TRAF2: variants seen among roughly 807,000 people sequenced by gnomAD.
TRAF2 encodes the protein TNF receptor associated factor 2.
TRAF2 carries 6 observed loss-of-function variants against 55.6 expected under a neutral mutation model. The observed-to-expected ratio is 0.11, with a 90% CI of 0.06 to 0.21. The LOEUF (loss-of-function observed/expected upper bound fraction) is 0.21. Ranked by LOEUF, TRAF2 falls within the 10% of genes least tolerant of loss-of-function variation. The pLI, the probability that TRAF2 is intolerant of heterozygous loss-of-function variation, is 1.00. For synonymous variants in TRAF2, 329 were observed against 276.3 expected (o/e 1.19, Z -1.89); for missense variants, 561 against 684.5 (o/e 0.82, Z 2.01).
chr9:136,918,586 T>A (rs1418564160), intron 7 of TRAF2, among the ~76,000 whole-genome samples: 1 of 152,104 alleles, frequency 6.6e-6, no homozygotes, highest in East Asian at 1.9e-4. Context: ...GCGCCTGGCC[T>A]CATTTTCAAA....
At chr9:136,924,966 T>G (rs906026181) in intron 10 of TRAF2, among the ~76,000 whole-genome samples, 1 of 152,242 alleles carries the variant, frequency 6.6e-6, no homozygotes. Flanking sequence ...CTTGATCTCC[T>G]GACCTTGTGA....
At chr9:136,900,620 A>C in intron 4 of TRAF2, 100 bp downstream of exon 4, 6 of 932,212 alleles carry the variant, frequency 6.4e-6, no homozygotes, top group Non-Finnish European at 8.6e-6. Context: ...CGTTCCTCTC[A>C]CTGGGGCTGA....
intron 1 of TRAF2, among the ~76,000 whole-genome samples, chr9:136,889,168 C>T (rs923577609): frequency 4.6e-5 from 7 of 151,098 alleles, no homozygotes; most frequent in Non-Finnish European, 8.8e-5. Flanking sequence ...GGCTTTTTTA[C>T]GTTAAAACTT....
chr9:136,926,389 C>A lies in TRAF2; in HGVS notation c.*488C>A. ...TGAGCAGCTTGGTTCTCCCCTCTGG[C>A]CCCTGGAGAGAAGGGAGCATTCCTA... On this transcript the variant is annotated 3_prime_UTR_variant, in exon 11 of 11. Coordinates refer to ENST00000247668, the MANE Select transcript of TRAF2 (RefSeq NM_021138.4). 1 of 282,236 alleles carries A rather than the reference C, an allele frequency of 3.5e-6. No homozygotes were observed. The highest frequency in any genetic ancestry group is 7.0e-6 in the Non-Finnish European group (1 of 143,830). 17.5% of individuals were successfully genotyped at this position (282,236 alleles called of 1,614,324 possible).
intron 6 of TRAF2, among the ~76,000 whole-genome samples, chr9:136,912,234 C>T (rs1850132738): frequency 1.4e-5 from 2 of 138,504 alleles, no homozygotes; most frequent in South Asian, 4.9e-4. Flanking sequence ...GCAATCTCGG[C>T]TCATTGCAAC....
chr9:136,898,524 G>A (rs759876888), intron 1 of TRAF2, 189 bp from the exon 2 acceptor site: 63 of 944,982 alleles, frequency 6.7e-5, no homozygotes, highest in African/African-American at 7.1e-5. Flanking sequence ...CCATACTAGC[G>A]GCGGGAGATG....
At chr9:136,896,369 A>G (rs1475102988) in intron 1 of TRAF2, among the ~76,000 whole-genome samples, 1 of 152,194 alleles carries the variant, frequency 6.6e-6, no homozygotes, top group Non-Finnish European at 1.5e-5. Flanking sequence ...TCGGGTCCTC[A>G]TGACCGGCCC....
At chr9:136,897,951 C>G (rs576398837) in intron 1 of TRAF2, among the ~76,000 whole-genome samples, 2 of 139,680 alleles carry the variant, frequency 1.4e-5, no homozygotes, top group East Asian at 4.3e-4. Flanking sequence ...GCTACGTTCC[C>G]GCTCTCGGGG....
intron 4 of TRAF2, among the ~76,000 whole-genome samples, chr9:136,907,574 C>T (rs1849984052): frequency 1.3e-5 from 2 of 152,354 alleles, no homozygotes; most frequent in South Asian, 2.1e-4. Flanking sequence ...GCCAGCTGCC[C>T]GCATGCTATC....
intron 7 of TRAF2, among the ~76,000 whole-genome samples, chr9:136,918,923 T>C (rs373193080): frequency 2.0e-5 from 3 of 151,270 alleles, no homozygotes; most frequent in African/African-American, 7.3e-5. Context: ...TTAGTAGAGA[T>C]AGGGTTTTGC....
chr9:136,925,038 A>G (rs914680288), intron 10 of TRAF2, among the ~76,000 whole-genome samples: 11 of 152,170 alleles, frequency 7.2e-5, no homozygotes, highest in South Asian at 6.2e-4. Flanking sequence ...TGCCTGGCCT[A>G]TTTTGAAAAT....
At chr9:136,924,495 G>A (rs549086601) in intron 10 of TRAF2, among the ~76,000 whole-genome samples, 1 of 152,080 alleles carries the variant, frequency 6.6e-6, no homozygotes, top group African/African-American at 2.4e-5. Flanking sequence ...CCAGTAGGTT[G>A]AGGCTGCAGT....
upstream of TRAF2, among the ~76,000 whole-genome samples, chr9:136,882,299 G>A (rs1303920416): frequency 6.6e-6 from 1 of 152,204 alleles, no homozygotes; most frequent in East Asian, 1.9e-4. Context: ...AGCCCTGCTG[G>A]GCACAGGGCA....
intron 6 of TRAF2, among the ~76,000 whole-genome samples, chr9:136,912,565 C>G (rs1225141084): frequency 6.6e-6 from 1 of 152,072 alleles, no homozygotes; most frequent in Non-Finnish European, 1.5e-5. Flanking sequence ...ACCTACTGAG[C>G]ATGGTGGCTC....
At chr9:136,884,134 GA>G (rs1849405691), upstream of TRAF2, among the ~76,000 whole-genome samples, 1 of 151,892 alleles carries the variant, frequency 6.6e-6, no homozygotes, top group Non-Finnish European at 1.5e-5. Flanking sequence ...TTTTAGTAGA[GA>G]CGAGGTTTCA....
At chr9:136,912,481 T>G (rs1850138912) in intron 6 of TRAF2, among the ~76,000 whole-genome samples, 1 of 152,182 alleles carries the variant, frequency 6.6e-6, no homozygotes, top group Admixed American at 6.6e-5. Context: ...TTTTTAGTGT[T>G]GCAAATCTTG....
At chr9:136,909,487 G>C (rs1271540547) in intron 5 of TRAF2, among the ~76,000 whole-genome samples, 1 of 152,084 alleles carries the variant, frequency 6.6e-6, no homozygotes, top group Non-Finnish European at 1.5e-5. Flanking sequence ...AGATGGACGG[G>C]CCTGACCATA....
At chr9:136,912,791 C>G (rs558072673) in intron 6 of TRAF2, among the ~76,000 whole-genome samples, 2 of 152,010 alleles carry the variant, frequency 1.3e-5, no homozygotes, top group Admixed American at 1.3e-4. Context: ...GAGCTGAGAT[C>G]GCACCACTGC....
At chr9:136,882,678 C>A (rs961545729), upstream of TRAF2, 19 of 985,476 alleles carry the variant, frequency 1.9e-5, 1 homozygote, top group East Asian at 5.7e-4. Context: ...AAGGAGCCCA[C>A]GTGGGAATCC....
Sources: allele counts gnomAD v4.1 joint callset (sites outside exome capture counted in the v4.1 genomes callset), GRCh38; gene constraint gnomAD v4.1.1; transcripts MANE v1.5; gene names NCBI Gene and HGNC (gene_info 2026-07-23, HGNC 2026-07-21).